Variants in RNF217 observed in about 807,000 individuals in gnomAD.
RNF217 encodes the protein E3 ubiquitin-protein ligase RNF217.
A neutral mutation model predicts 57.8 loss-of-function variants in RNF217; 31 were observed. The ratio of observed to expected loss-of-function variants is 0.54; its 90% CI spans 0.40 to 0.72. The LOEUF (loss-of-function observed/expected upper bound fraction) is 0.72, where lower values mean the gene tolerates loss of function less well. RNF217 is among the 30% of genes least tolerant of loss of function. RNF217 has a pLI of 0.00. For synonymous variants in RNF217, 313 were observed against 294.0 expected (o/e 1.06, Z -0.66); for missense variants, 696 against 708.3 (o/e 0.98, Z 0.20).
At chr6:124,999,554 T>C (rs1035184985) in intron 1 of RNF217, among the ~76,000 whole-genome samples, 5 of 152,156 alleles carry the variant, frequency 3.3e-5, no homozygotes, top group African/African-American at 4.8e-5. Context: ...TCATAGACTG[T>C]AGTTCTGCCA....
intron 3 of RNF217, among the ~76,000 whole-genome samples, chr6:125,062,743 A>G (rs1582766878): frequency 6.6e-6 from 1 of 152,056 alleles, no homozygotes; most frequent in African/African-American, 2.4e-5. Flanking sequence ...TGCCCGGCTA[A>G]TTTTTGTATT....
At position 125,013,531 on chromosome 6, in the gene RNF217, G is replaced by C. The variant is rs115349104; in HGVS notation, c.883-31680G>C. On this transcript the variant is annotated intron_variant, in intron 1 of 5. Transcript: ENST00000521654. ...AAGGTCAAGCAGGTACCACAGCCCT[G>C]AGGCCAGAATATGTCTGGGAAAAAA... 1.4e-3 allele frequency among the ~76,000 whole-genome samples: 213 copies of C among 148,868 alleles called. 1 individual carries two copies. The highest frequency in any genetic ancestry group is 5.0e-3 in the African/African-American group (206 of 41,112).
intron 1 of RNF217, among the ~76,000 whole-genome samples, chr6:124,999,386 T>A (rs1784882869): frequency 6.6e-6 from 1 of 152,216 alleles, no homozygotes. Flanking sequence ...TCTTGTGAAT[T>A]CCTGTAAGTG....
intron 3 of RNF217, among the ~76,000 whole-genome samples, chr6:125,065,183 T>A (rs952162795): frequency 1.3e-5 from 2 of 149,208 alleles, no homozygotes; most frequent in African/African-American, 5.0e-5. Context: ...CCCAGCTACT[T>A]GGGAGGCTGA....
chr6:125,019,066 A>G (rs1056423748), intron 1 of RNF217, among the ~76,000 whole-genome samples: 2 of 152,102 alleles, frequency 1.3e-5, no homozygotes, highest in East Asian at 3.9e-4. Flanking sequence ...ATCTCCCAGT[A>G]AAAAAGCCCG....
chr6:124,973,586 G>A (rs1219082802), intron 1 of RNF217, among the ~76,000 whole-genome samples: 1 of 152,196 alleles, frequency 6.6e-6, no homozygotes, highest in Non-Finnish European at 1.5e-5. Context: ...GCTATAAAAA[G>A]TAAGGTAACT....
chr6:125,079,225 C>T (rs1562499052), intron 4 of RNF217, among the ~76,000 whole-genome samples: 1 of 152,040 alleles, frequency 6.6e-6, no homozygotes, highest in Non-Finnish European at 1.5e-5. Context: ...GGCATCTCCC[C>T]CAGTGAGGCG....
chr6:124,965,248 A>G (rs1407413798), intron 1 of RNF217, among the ~76,000 whole-genome samples: 1 of 152,198 alleles, frequency 6.6e-6, no homozygotes, highest in African/African-American at 2.4e-5. Context: ...ACCTTCTTCC[A>G]AAGTATTTGC....
intron 1 of RNF217, among the ~76,000 whole-genome samples, chr6:124,966,025 G>A (rs1783524969): frequency 6.6e-6 from 1 of 152,158 alleles, no homozygotes; most frequent in South Asian, 2.1e-4. Context: ...CTAGGAAGTG[G>A]TGTTCTGCAT....
intron 1 of RNF217, among the ~76,000 whole-genome samples, chr6:125,013,940 C>T (rs959431879): frequency 6.6e-6 from 1 of 152,094 alleles, no homozygotes; most frequent in Non-Finnish European, 1.5e-5. Context: ...AACATAATGC[C>T]CCGCTGACTA....
chr6:125,008,738 C>CTTTTTTTT (rs370816324), intron 1 of RNF217: 1 of 133,458 alleles, frequency 7.5e-6, no homozygotes, highest in Admixed American at 7.6e-5. Context: ...CAGGGGCTAC[C>CTTTTTTTT]TTTTTTTTTT....
chr6:125,079,319 T>A (rs948122667), intron 4 of RNF217, among the ~76,000 whole-genome samples: 2 of 152,162 alleles, frequency 1.3e-5, no homozygotes, highest in South Asian at 2.1e-4. Context: ...CTTACAAAAA[T>A]TCTAAGTTTT....
chr6:125,031,217 C>T lies in RNF217; in HGVS notation c.883-13994C>T, dbSNP rs189754984. On this transcript the variant is annotated intron_variant, in intron 1 of 5. Coordinates refer to ENST00000521654, the MANE Select transcript of RNF217 (RefSeq NM_001286398.3). ...ACGAAACCACTTTTTCCTCCAGCGC[C>T]TCCAGGCCTGTGATGCTAGGAGCTG... Among the ~76,000 whole-genome samples, 948 of 152,336 alleles carry T rather than the reference C, an allele frequency of 6.2e-3. 14 individuals carry two copies. Among genetic ancestry groups the T allele is most frequent in the Non-Finnish European group, 7.1e-3 (482 of 68,032 alleles).
intron 3 of RNF217, among the ~76,000 whole-genome samples, chr6:125,064,747 G>C (rs188461748): frequency 8.6e-5 from 13 of 151,986 alleles, no homozygotes; most frequent in African/African-American, 2.9e-4. Context: ...GACAAAATAA[G>C]TACGTGTGTA....
chr6:125,078,686 A>G (rs1198988269), intron 4 of RNF217, among the ~76,000 whole-genome samples: 1 of 152,118 alleles, frequency 6.6e-6, no homozygotes, highest in East Asian at 1.9e-4. Flanking sequence ...CCAACCTCCC[A>G]ACCTCCTTTT....
rs9491307 is a variant in RNF217, at chr6:125,087,652, T to G, written c.*4715T>G. On this transcript the variant is annotated 3_prime_UTR_variant, in exon 6 of 6. Transcript: ENST00000521654. ...GCAAATATGTGTCATCTCTTTAAAT[T>G]TGGGAGGAATCAGAAGCTAAAGATT... The G allele has an allele frequency of 2.6e-5, 4 of 152,198 alleles. No homozygotes were observed. In the East Asian group the frequency reaches 7.7e-4, roughly 29 times the overall value. The allele number at this position is 152,198 out of a possible 1,614,324, so 9.4% of individuals were successfully genotyped here.
intron 1 of RNF217, among the ~76,000 whole-genome samples, chr6:124,966,076 A>G (rs1390723249): frequency 1.3e-5 from 2 of 152,250 alleles, no homozygotes; most frequent in Admixed American, 1.3e-4. Flanking sequence ...TACTTAAGAC[A>G]AAAGACAAAG....
chr6:125,049,294 A>G (rs1669275423), intron 2 of RNF217, among the ~76,000 whole-genome samples: 1 of 152,046 alleles, frequency 6.6e-6, no homozygotes, highest in South Asian at 2.1e-4. Context: ...ATTTTATGAT[A>G]TATATGTGTG....
intron 3 of RNF217, among the ~76,000 whole-genome samples, chr6:125,061,628 CG>C (rs1462644987): frequency 2.0e-5 from 3 of 149,492 alleles, no homozygotes; most frequent in African/African-American, 7.4e-5. Context: ...GGTAGGTTTT[CG>C]TTTTTTTTTA....
Sources: allele counts gnomAD v4.1 joint callset (sites outside exome capture counted in the v4.1 genomes callset), GRCh38; gene constraint gnomAD v4.1.1; transcripts MANE v1.5; gene names NCBI Gene and HGNC (gene_info 2026-07-23, HGNC 2026-07-21).